Variants in SPOCK1 observed in about 807,000 individuals in gnomAD.
SPOCK1 encodes the protein SPARC (osteonectin), cwcv and kazal like domains proteoglycan 1, also known as testican-1.
A neutral mutation model predicts 55.3 loss-of-function variants in SPOCK1; 23 were observed. The observed-to-expected ratio is 0.42, with a 90% CI of 0.30 to 0.59. The LOEUF is 0.59. Among genes scored for constraint, SPOCK1 ranks in the 20% least tolerant of loss-of-function variants. The pLI is 0.22. For missense variants in SPOCK1, 499 were observed against 552.5 expected (o/e 0.90, Z 0.97); for synonymous variants, 226 against 221.0 (o/e 1.02, Z -0.20).
At chr5:137,063,696 A>C (rs1426920365) in intron 6 of SPOCK1, among the ~76,000 whole-genome samples, 3 of 152,168 alleles carry the variant, frequency 2.0e-5, no homozygotes, top group Non-Finnish European at 2.9e-5. Context: ...CCAGTTCTGG[A>C]CCCTAGGTTG....
At chr5:137,353,930 T>A (rs1750735405) in intron 2 of SPOCK1, among the ~76,000 whole-genome samples, 1 of 152,172 alleles carries the variant, frequency 6.6e-6, no homozygotes, top group Admixed American at 6.5e-5. Flanking sequence ...CAGCACCACA[T>A]GACAAAGCTA....
At chr5:137,273,378 C>G (rs574368045) in intron 2 of SPOCK1, 1 of 985,112 alleles carries the variant, frequency 1.0e-6, no homozygotes, top group South Asian at 4.7e-5. Context: ...AAACCTACCT[C>G]AACTTCCTGA....
chr5:137,106,148 T>C (rs1753364347), intron 5 of SPOCK1, among the ~76,000 whole-genome samples: 1 of 146,490 alleles, frequency 6.8e-6, no homozygotes, highest in Non-Finnish European at 1.5e-5. Context: ...AGCCAGGACC[T>C]GGAGCAGTAG....
At chr5:137,154,113 C>T (rs1483147363) in intron 3 of SPOCK1, among the ~76,000 whole-genome samples, 2 of 151,792 alleles carry the variant, frequency 1.3e-5, no homozygotes, top group African/African-American at 4.8e-5. Flanking sequence ...TATGGAGAAA[C>T]CCCATCTCTA....
chr5:137,498,127 C>T (rs1754337499), intron 2 of SPOCK1, among the ~76,000 whole-genome samples: 1 of 152,162 alleles, frequency 6.6e-6, no homozygotes, highest in African/African-American at 2.4e-5. Context: ...CCTACGAATA[C>T]ACACACCTGG....
At chr5:137,300,704 T>TC (rs59879723) in intron 2 of SPOCK1, among the ~76,000 whole-genome samples, 127,501 of 151,980 alleles carry the variant, frequency 0.84, 53,654 homozygotes, top group African/African-American at 0.87. Flanking sequence ...ATTTTAGTGC[T>TC]CCCCTTCTGT....
intron 3 of SPOCK1, among the ~76,000 whole-genome samples, chr5:137,186,987 T>C (rs896607463): frequency 6.6e-6 from 1 of 152,216 alleles, no homozygotes; most frequent in Admixed American, 6.5e-5. Context: ...CTCCCTGTAG[T>C]TTCTGTGATA....
At chr5:137,426,000 C>T (rs2149827307) in intron 2 of SPOCK1, among the ~76,000 whole-genome samples, 1 of 150,522 alleles carries the variant, frequency 6.6e-6, no homozygotes, top group South Asian at 2.1e-4. Context: ...CAGAAGTACA[C>T]CAACTCATTC....
intron 2 of SPOCK1, among the ~76,000 whole-genome samples, chr5:137,389,304 G>C (rs1369512558): frequency 6.6e-6 from 1 of 152,176 alleles, no homozygotes; most frequent in Non-Finnish European, 1.5e-5. Context: ...CCTGTCCTCT[G>C]TTGAGGACTG....
intron 6 of SPOCK1, among the ~76,000 whole-genome samples, chr5:137,043,303 C>T (rs1156529665): frequency 2.0e-5 from 3 of 152,172 alleles, no homozygotes; most frequent in African/African-American, 7.2e-5. Flanking sequence ...AATATTAATA[C>T]ATGCTTTAAG....
intron 3 of SPOCK1, among the ~76,000 whole-genome samples, chr5:137,141,213 G>A (rs1281108545): frequency 6.6e-6 from 1 of 152,198 alleles, no homozygotes; most frequent in Non-Finnish European, 1.5e-5. Context: ...AACATCAGGG[G>A]AGCAATTCCT....
intron 2 of SPOCK1, among the ~76,000 whole-genome samples, chr5:137,370,415 A>G (rs907657529): frequency 6.6e-6 from 1 of 152,230 alleles, no homozygotes; most frequent in African/African-American, 2.4e-5. Flanking sequence ...AGGCTCTAAC[A>G]GGCATTGGAT....
intron 6 of SPOCK1, among the ~76,000 whole-genome samples, chr5:137,021,244 T>C (rs924169925): frequency 6.6e-6 from 1 of 152,178 alleles, no homozygotes; most frequent in African/African-American, 2.4e-5. Context: ...CATAGATAAA[T>C]TTTGGGAATG....
intron 2 of SPOCK1, among the ~76,000 whole-genome samples, chr5:137,381,987 TCA>T (rs1751481333): frequency 6.6e-6 from 1 of 152,216 alleles, no homozygotes; most frequent in African/African-American, 2.4e-5. Context: ...AGTTCCAGTT[TCA>T]GATAATCTCT....
intron 2 of SPOCK1, among the ~76,000 whole-genome samples, chr5:137,396,253 CAT>C (rs1751845003): frequency 6.6e-6 from 1 of 152,172 alleles, no homozygotes; most frequent in Non-Finnish European, 1.5e-5. Context: ...CGAGAAGTAA[CAT>C]AGAAAACACC....
chr5:137,011,687 C>T (rs970405581), intron 6 of SPOCK1, among the ~76,000 whole-genome samples: 1 of 152,154 alleles, frequency 6.6e-6, no homozygotes, highest in Non-Finnish European at 1.5e-5. Flanking sequence ...AAAATATCAC[C>T]CCAGAAGAGC....
rs184511268 is a variant in SPOCK1 at position 137,126,591 on chromosome 5, C to T, written c.347+13989G>A. 7.8e-4 allele frequency among the ~76,000 whole-genome samples: 119 copies of T among 152,176 alleles called. 1 individual carries two copies. The highest frequency in any genetic ancestry group is 2.8e-3 in the African/African-American group (117 of 41,536). Reference sequence around the variant, plus strand: ...CAGCCTGTACAACATGGAGAAACTCCATCTCTACTAAAAATACAAAATTAG... The same window carrying T: ...CAGCCTGTACAACATGGAGAAACTCTATCTCTACTAAAAATACAAAATTAG... On this transcript the variant is annotated intron_variant, in intron 4 of 10. Transcript: ENST00000394945.
chr5:137,159,896 C>A (rs1469462956), intron 3 of SPOCK1, among the ~76,000 whole-genome samples: 1 of 152,012 alleles, frequency 6.6e-6, no homozygotes, highest in African/African-American at 2.4e-5. Flanking sequence ...ATTTTTTTGC[C>A]AATCCATGTC....
intron 3 of SPOCK1, among the ~76,000 whole-genome samples, chr5:137,151,877 T>A (rs1305455330): frequency 6.6e-6 from 1 of 152,244 alleles, no homozygotes; most frequent in Admixed American, 6.5e-5. Context: ...ACTACTTTCA[T>A]CCCTCTCACT....
Sources: gnomAD v4.1 joint callset for allele counts (sites outside exome capture counted in the v4.1 genomes callset) on GRCh38, gnomAD v4.1.1 for gene constraint, MANE v1.5 for transcripts, NCBI Gene and HGNC (gene_info 2026-07-23, HGNC 2026-07-21) for gene names.